The following NAA11 variants were observed in gnomAD, a reference collection of about 807,000 sequenced individuals.
NAA11 encodes N-alpha-acetyltransferase 11, NatA catalytic subunit, also known as N-alpha-acetyltransferase 11.
In NAA11, 15 loss-of-function variants were observed where a neutral mutation model predicts 16.1. The observed-to-expected ratio is 0.93, with a 90% CI of 0.62 to 1.44. The LOEUF is 1.44. Among genes scored for constraint, NAA11 ranks in the 40% most tolerant of loss-of-function variants. The pLI is 0.00. For missense variants in NAA11, 298 were observed against 291.3 expected, an observed-to-expected ratio of 1.02 and a Z score of -0.17; for synonymous variants, 122 against 112.4, an observed-to-expected ratio of 1.09 and a Z score of -0.54.
the NAA11 span, among the ~76,000 whole-genome samples, chr4:79,162,672 T>C: frequency 6.6e-6 from 1 of 152,214 alleles, no homozygotes; most frequent in Non-Finnish European, 1.5e-5. Flanking sequence ...AAAAATGTTG[T>C]TTCTTAACTG....
chr4:79,201,894 CT>C, the NAA11 span, among the ~76,000 whole-genome samples: 2 of 151,540 alleles, frequency 1.3e-5, no homozygotes, highest in Admixed American at 6.6e-5. Context: ...CCTGTCTTTT[CT>C]TTTTTTAAGT....
Position 79,322,491 on chromosome 4 carries a change from G to A in NAA11, c.*12+2685C>T, listed in dbSNP as rs6820325. Among the ~76,000 whole-genome samples, 125 of 35,946 alleles carry A rather than the reference G, an allele frequency of 3.5e-3. 1 individual carries two copies. Among genetic ancestry groups the A allele is most frequent in the South Asian group, 0.011 (11 of 962 alleles). The allele number at this position is 35,946 out of a possible 152,430, so 23.6% of individuals were successfully genotyped here. ...TTGAATTCATCAGTTTTATAGGTGTGTGTGTGTGTGTGTGTATATATATAT... is the reference window on the plus strand; with the variant it reads ...TTGAATTCATCAGTTTTATAGGTGTATGTGTGTGTGTGTGTATATATATAT... On this transcript the variant is annotated intron_variant, in intron 1 of 1. Transcript: ENST00000286794.
intron 1 of NAA11, among the ~76,000 whole-genome samples, chr4:79,318,079 A>G (rs1241765328): frequency 2.0e-5 from 3 of 152,234 alleles, no homozygotes; most frequent in Non-Finnish European, 4.4e-5. Context: ...AAGAACACCA[A>G]AAAACTGGGA....
chr4:79,325,385 T>G lies in NAA11; in HGVS notation c.493A>C (p.Lys165Gln), dbSNP rs1465117331. ...CCCAGGACCACATACCCGCCCTTCTTCAGGTCCATTTGTCGTCTCAGCTCA... is the reference window on the plus strand; with the variant it reads ...CCCAGGACCACATACCCGCCCTTCTGCAGGTCCATTTGTCGTCTCAGCTCA... Reference protein sequence around the residue: ...ADELRRQMDLKKGGYVVLGSR... With the variant: ...ADELRRQMDLQKGGYVVLGSR... The change falls in exon 1 of 2, where the codon AAG becomes CAG. Residue 165 changes from lysine (K) to glutamine (Q), a missense_variant. Transcript: ENST00000286794. 1.5e-5 allele frequency: 25 copies of G among 1,613,958 alleles called. No individual in the cohort carries two copies. Among genetic ancestry groups the G allele is most frequent in the Non-Finnish European group, 2.0e-5 (24 of 1,179,966 alleles).
chr4:79,209,625 G>GA, the NAA11 span, among the ~76,000 whole-genome samples: 1 of 151,892 alleles, frequency 6.6e-6, no homozygotes, highest in Admixed American at 6.6e-5. Context: ...ATATAAGTAG[G>GA]AAAAAAAGGA....
intron 2 of NAA11, among the ~76,000 whole-genome samples, chr4:79,287,622 C>T (rs575515322): frequency 6.6e-6 from 1 of 151,992 alleles, no homozygotes; most frequent in Admixed American, 6.6e-5. Context: ...CAAGAAATAT[C>T]ACACCTGAAT....
chr4:79,230,847 C>T (rs1468495310), intron 2 of NAA11, among the ~76,000 whole-genome samples: 1 of 151,898 alleles, frequency 6.6e-6, no homozygotes, highest in African/African-American at 2.4e-5. Flanking sequence ...TATTTAATAG[C>T]CCCAGATCCA....
chr4:79,190,538 G>C, the NAA11 span, among the ~76,000 whole-genome samples: 1 of 151,254 alleles, frequency 6.6e-6, no homozygotes, highest in Non-Finnish European at 1.5e-5. Context: ...TGTGTAAAGT[G>C]ATCCCTTCAT....
Position 79,316,789 on chromosome 4 carries a change from G to A in NAA11, c.*1015C>T, listed in dbSNP as rs1325963830. ...TTGACATACAGTAGCCATGTATTAAGCAAACACATTTTTAAACAGCAGATT... is the reference window on the plus strand; with the variant it reads ...TTGACATACAGTAGCCATGTATTAAACAAACACATTTTTAAACAGCAGATT... On this transcript the variant is annotated 3_prime_UTR_variant, in exon 2 of 2. Coordinates refer to ENST00000286794, the MANE Select transcript of NAA11 (RefSeq NM_032693.3). 6.6e-6 allele frequency: 1 copy of A among 152,030 alleles called. No individual in the cohort carries two copies. Among genetic ancestry groups the A allele is most frequent in the Non-Finnish European group, 1.5e-5 (1 of 67,998 alleles). The allele number at this position is 152,030 out of a possible 1,614,324, so 9.4% of individuals were successfully genotyped here.
downstream of NAA11, among the ~76,000 whole-genome samples, chr4:79,313,798 G>C (rs1371753027): frequency 6.6e-6 from 1 of 152,184 alleles, no homozygotes. Flanking sequence ...GCTGGGTACT[G>C]TGTTCTTAAA....
Position 79,325,674 on chromosome 4 carries a change from C to A in NAA11, c.204G>T (p.Pro68=), listed in dbSNP as rs762585511. ...AKMEEEPDDV[P]HGHITSLAVK... is the part of the protein sequence containing the mutation. ...CGGCCAGTGAGGTGATATGGCCATGCGGGACATCATCTGGTTCCTCCTCCA... is the reference window on the plus strand; with the variant it reads ...CGGCCAGTGAGGTGATATGGCCATGAGGGACATCATCTGGTTCCTCCTCCA... Residue 68 remains proline, a synonymous_variant, in exon 1 of 2, where the codon CCG becomes CCT. Coordinates refer to ENST00000286794, the MANE Select transcript of NAA11 (RefSeq NM_032693.3). 1 of 1,614,064 alleles carries A rather than the reference C, an allele frequency of 6.2e-7. No individual in the cohort carries two copies. The highest frequency in any genetic ancestry group is 8.5e-7 in the Non-Finnish European group (1 of 1,179,972).
At chr4:79,206,758 G>A in the NAA11 span, among the ~76,000 whole-genome samples, 1 of 152,134 alleles carries the variant, frequency 6.6e-6, no homozygotes, top group East Asian at 1.9e-4. Flanking sequence ...CAATAAGGTA[G>A]ATGCGTCAAG....
downstream of NAA11, among the ~76,000 whole-genome samples, chr4:79,225,444 A>T (rs1047989571): frequency 7.9e-5 from 12 of 152,072 alleles, no homozygotes; most frequent in African/African-American, 2.9e-4. Context: ...GCAAGTGTGG[A>T]TGCAGGACAT....
At chr4:79,238,166 A>C (rs1721614232) in intron 2 of NAA11, among the ~76,000 whole-genome samples, 1 of 152,200 alleles carries the variant, frequency 6.6e-6, no homozygotes, top group African/African-American at 2.4e-5. Context: ...CTATTCAATA[A>C]ATGCCAGTGG....
chr4:79,157,661 G>A, the NAA11 span, among the ~76,000 whole-genome samples: 2 of 151,278 alleles, frequency 1.3e-5, no homozygotes, highest in Non-Finnish European at 2.9e-5. Flanking sequence ...TGGCATAAAA[G>A]GGACATACCT....
chr4:79,255,673 G>C (rs562528564), intron 2 of NAA11, among the ~76,000 whole-genome samples: 7 of 152,278 alleles, frequency 4.6e-5, no homozygotes, highest in African/African-American at 1.7e-4. Context: ...CCTCAAAGTG[G>C]AGTTTACCTG....
intron 2 of NAA11, among the ~76,000 whole-genome samples, chr4:79,293,783 G>T (rs1723146096): frequency 1.3e-5 from 2 of 152,170 alleles, no homozygotes; most frequent in Non-Finnish European, 2.9e-5. Flanking sequence ...GTATGGTATG[G>T]TTTAAATGTG....
downstream of NAA11, among the ~76,000 whole-genome samples, chr4:79,222,572 A>C (rs1721215041): frequency 6.7e-6 from 1 of 149,726 alleles, no homozygotes; most frequent in Non-Finnish European, 1.5e-5. Context: ...ACCATTCAGG[A>C]CATAGGCATG....
intron 2 of NAA11, among the ~76,000 whole-genome samples, chr4:79,293,655 C>G (rs934565648): frequency 1.3e-5 from 2 of 151,950 alleles, no homozygotes; most frequent in South Asian, 4.2e-4. Context: ...CATGGTCAAC[C>G]CAGAAAATAT....
Sources: gnomAD v4.1 joint callset for allele counts (sites outside exome capture counted in the v4.1 genomes callset) on GRCh38, gnomAD v4.1.1 for gene constraint, MANE v1.5 for transcripts, NCBI Gene and HGNC (gene_info 2026-07-23, HGNC 2026-07-21) for gene names.